The following WDR64 variants were observed in gnomAD, a reference collection of about 807,000 sequenced individuals.
WDR64 encodes WD repeat domain 64, also known as WD repeat-containing protein 64.
Under a neutral mutation model 139.3 loss-of-function variants are expected in WDR64, and 112 were observed. The observed-to-expected ratio is 0.80, with a 90% CI of 0.69 to 0.94. The LOEUF (loss-of-function observed/expected upper bound fraction) is 0.94. WDR64 is among the 40% of genes least tolerant of loss of function. WDR64 has a pLI of 0.00. For synonymous variants in WDR64, 444 were observed against 437.7 expected (o/e 1.01, Z -0.18); for missense variants, 1,206 against 1,293.1 (o/e 0.93, Z 1.03).
intron 1 of WDR64, among the ~76,000 whole-genome samples, chr1:241,659,472 G>A (rs146696937): frequency 2.0e-5 from 3 of 152,278 alleles, no homozygotes; most frequent in African/African-American, 4.8e-5. Context: ...CTAGGTCTTT[G>A]AGGAATCACC....
intron 3 of WDR64, among the ~76,000 whole-genome samples, chr1:241,674,053 G>A (rs1024391068): frequency 3.9e-4 from 60 of 152,176 alleles, no homozygotes; most frequent in Admixed American, 1.3e-3. Context: ...ACGTGTGTGT[G>A]TAGGGGGTGG....
Position 241,769,403 on chromosome 1 carries a change from G to T in WDR64, c.2082-1G>T, listed in dbSNP as rs200845842. On this transcript the variant is annotated splice_acceptor_variant, in intron 16 of 27. Transcript: ENST00000437684. LOFTEE classifies it high-confidence loss of function. ...TCATATAAATGTATACTTACTTCTAGGTACCGACCTGAAGATTGCTTCACT... is the reference window on the plus strand; with the variant it reads ...TCATATAAATGTATACTTACTTCTATGTACCGACCTGAAGATTGCTTCACT... The T allele has an allele frequency of 3.3e-4, 513 of 1,550,788 alleles. No individual in the cohort carries two copies. Among genetic ancestry groups the T allele is most frequent in the Non-Finnish European group, 4.3e-4 (494 of 1,146,720 alleles).
chr1:241,739,627 G>A (rs1669457987), intron 11 of WDR64, among the ~76,000 whole-genome samples: 1 of 152,088 alleles, frequency 6.6e-6, no homozygotes, highest in Admixed American at 6.5e-5. Flanking sequence ...TTGATTACTA[G>A]GCTTAGCATT....
intron 8 of WDR64, among the ~76,000 whole-genome samples, chr1:241,698,999 T>G (rs188957727): frequency 1.5e-3 from 233 of 152,242 alleles, no homozygotes; most frequent in Non-Finnish European, 2.8e-3. Flanking sequence ...ATGAGAAAAC[T>G]GAGGGAAAAG....
At chr1:241,741,998 G>C (rs548349020) in intron 12 of WDR64, among the ~76,000 whole-genome samples, 1 of 152,278 alleles carries the variant, frequency 6.6e-6, no homozygotes, top group Admixed American at 6.5e-5. Context: ...TTTATGTTAA[G>C]AAGGAAGGGG....
In WDR64 at chr1:241,671,089, T is replaced by C. The variant is rs1250648006; in HGVS notation, c.292T>C (p.Ser98Pro). ...GGGATTTCAGATCTTTGGATACTTC[T>C]CCTCTGAAGAAGATCCTATTGCTTC... The part of the protein sequence containing the change: ...ADWCEIFGYF[S>P]SEEDPIASQL... The change falls in exon 3 of 28, where the codon TCC becomes CCC. Residue 98 changes from serine (S) to proline (P), a missense_variant. Physicochemically the swap from Ser to Pro is moderately conservative, Grantham distance 74. Transcript: ENST00000437684. The C allele has an allele frequency of 6.5e-7, 1 of 1,549,176 alleles. No individual in the cohort carries two copies. Among genetic ancestry groups the C allele is most frequent in the Non-Finnish European group, 8.7e-7 (1 of 1,146,088 alleles).
intron 21 of WDR64, among the ~76,000 whole-genome samples, chr1:241,777,184 T>C (rs1237821705): frequency 6.6e-6 from 1 of 152,170 alleles, no homozygotes; most frequent in African/African-American, 2.4e-5. Flanking sequence ...AATCTCCAAC[T>C]CCTGCAAGTG....
rs141911823 is a variant in WDR64, at chr1:241,802,063, T to C, written c.*848T>C. On this transcript the variant is annotated 3_prime_UTR_variant, in exon 28 of 28. Transcript: ENST00000437684. Reference sequence around the variant, plus strand: ...AAAATCAATATAGCCATATTAATATTAAAATACACTTTAAGAAAATAAACA... The same window carrying C: ...AAAATCAATATAGCCATATTAATATCAAAATACACTTTAAGAAAATAAACA... 2,546 of 397,854 alleles carry C rather than the reference T, an allele frequency of 6.4e-3. 15 individuals carry two copies. The highest frequency in any genetic ancestry group is 8.5e-3 in the Non-Finnish European group (1,923 of 225,722). 24.6% of individuals were successfully genotyped at this position (397,854 alleles called of 1,614,324 possible). A position where few individuals can be genotyped will look rare whatever the true frequency, so the allele number is the denominator to read the frequency against.
rs1487000648 is a variant in WDR64, at chr1:241,801,167, C to T, written c.3228C>T (p.Val1076=). 6.2e-7 allele frequency: 1 copy of T among 1,613,500 alleles called. No individual in the cohort carries two copies. Among genetic ancestry groups the T allele is most frequent in the East Asian group, 2.2e-5 (1 of 44,862 alleles). Residue 1076 remains valine (V), a synonymous_variant, in exon 28 of 28, where the codon GTC becomes GTT. Coordinates refer to ENST00000437684, the MANE Select transcript of WDR64 (RefSeq NM_001367482.1). Reference sequence around the variant, plus strand: ...GAAGAAGTTTGAAAAAAAATTTAGTCCCACAAATAAATCTGGCTTCTTCCT... The same window carrying T: ...GAAGAAGTTTGAAAAAAAATTTAGTTCCACAAATAAATCTGGCTTCTTCCT... ...PRRRSLKKNL[V]PQINLASSFF...
intron 10 of WDR64, among the ~76,000 whole-genome samples, chr1:241,735,277 G>A (rs1280196627): frequency 2.0e-5 from 3 of 152,118 alleles, no homozygotes; most frequent in East Asian, 3.9e-4. Flanking sequence ...TTGTATGAAC[G>A]CAGCGCATAT....
chr1:241,787,936 G>T lies in WDR64; in HGVS notation c.2793G>T (p.Leu931Phe), dbSNP rs780041961. 14 of 1,612,196 alleles carry T rather than the reference G, an allele frequency of 8.7e-6. No homozygotes were observed. The highest frequency in any genetic ancestry group is 1.7e-4 in the Middle Eastern group (1 of 6,054). Reference sequence around the variant, plus strand: ...TATCACAGACAAGAGATTTCATTTTGCCTTGTGATGTTACTGAATATCCCA... The same window carrying T: ...TATCACAGACAAGAGATTTCATTTTTCCTTGTGATGTTACTGAATATCCCA... ...FELSQTRDFI[L>F]PCDVTEYPIE... The change falls in exon 24 of 28, where the codon TTG (leucine) becomes TTT (phenylalanine). Residue 931 changes from leucine to phenylalanine, a missense_variant. Physicochemically the swap from Leu to Phe is conservative, Grantham distance 22. Coordinates refer to ENST00000437684, the MANE Select transcript of WDR64 (RefSeq NM_001367482.1).
At chr1:241,660,117 C>T (rs1665766091) in intron 1 of WDR64, among the ~76,000 whole-genome samples, 2 of 152,056 alleles carry the variant, frequency 1.3e-5, no homozygotes, top group Non-Finnish European at 2.9e-5. Context: ...GTTTCAATTT[C>T]CTACACGTGG....
intron 21 of WDR64, among the ~76,000 whole-genome samples, chr1:241,776,810 A>G (rs115296125): frequency 6.6e-6 from 1 of 152,310 alleles, no homozygotes; most frequent in African/African-American, 2.4e-5. Flanking sequence ...ACCGACCTCT[A>G]TTAGGGTTAG....
rs527264411 is a variant in WDR64, at chr1:241,705,404, T to C, written c.975-6398T>C. Among the ~76,000 whole-genome samples, 16 of 151,484 alleles carry C rather than the reference T, an allele frequency of 1.1e-4. No homozygotes were observed. In the South Asian group the frequency reaches 2.9e-3, roughly 28 times the overall value. ...AAAATACAAAAAAAATAGCAGGGCA[T>C]GGTGGCGGGCGCCTGTAGTCCCAGC... On this transcript the variant is annotated intron_variant, in intron 8 of 27. Coordinates refer to ENST00000437684, the MANE Select transcript of WDR64 (RefSeq NM_001367482.1).
chr1:241,757,657 T>G (rs1342552006), intron 15 of WDR64, among the ~76,000 whole-genome samples, 198 bp downstream of exon 15: 5 of 145,844 alleles, frequency 3.4e-5, no homozygotes, highest in Admixed American at 1.4e-4. Context: ...TTGTTTTTTT[T>G]TTTTTTTTTT....
Position 241,801,588 on chromosome 1 carries a change from A to G in WDR64, c.*373A>G, listed in dbSNP as rs1659526785. 2.5e-6 allele frequency: 1 copy of G among 402,194 alleles called. No homozygotes were observed. The highest frequency in any genetic ancestry group is 4.4e-6 in the Non-Finnish European group (1 of 228,134). 24.9% of individuals were successfully genotyped at this position (402,194 alleles called of 1,614,324 possible). ...GAATGACTGTCAGAACATGTGCAGT[A>G]AAAGGCACTTTCAAGTCATGCTATG... On this transcript the variant is annotated 3_prime_UTR_variant, in exon 28 of 28. Coordinates refer to ENST00000437684, the MANE Select transcript of WDR64 (RefSeq NM_001367482.1).
intron 10 of WDR64, among the ~76,000 whole-genome samples, chr1:241,736,119 G>T (rs924790365): frequency 2.0e-5 from 3 of 152,054 alleles, no homozygotes; most frequent in Admixed American, 6.6e-5. Flanking sequence ...TGCTACCTCT[G>T]CTGTGGAGCC....
rs1574103319 is a variant in WDR64, at chr1:241,796,488, C to T, written c.3192+118C>T. On this transcript the variant is annotated intron_variant, in intron 27 of 27. Transcript: ENST00000437684. ...TTCTGAACCTAAAATCATTTCAGTT[C>T]ATACTTTTTTTTTTTTTTCTTGAGG... The T allele has an allele frequency of 7.5e-6, 5 of 670,802 alleles. No homozygotes were observed. The East Asian group carries it at 9.7e-5, about 13-fold the overall frequency. 41.6% of individuals were successfully genotyped at this position (670,802 alleles called of 1,614,324 possible).
At chr1:241,696,113 C>CAAAAA (rs541301982) in intron 8 of WDR64, among the ~76,000 whole-genome samples, 247 of 22,314 alleles carry the variant, frequency 0.011, 67 homozygotes, top group Non-Finnish European at 0.014. Flanking sequence ...GACCCAGTAT[C>CAAAAA]AAAAAAAAAA....
Sources: gnomAD v4.1 joint callset for allele counts (sites outside exome capture counted in the v4.1 genomes callset) on GRCh38, gnomAD v4.1.1 for gene constraint, MANE v1.5 for transcripts, NCBI Gene and HGNC (gene_info 2026-07-23, HGNC 2026-07-21) for gene names.